Variants in WWOX observed in about 807,000 individuals in gnomAD.
WWOX encodes WW domain containing oxidoreductase.
Under a neutral mutation model 46.2 loss-of-function variants are expected in WWOX, and 69 were observed. The ratio of observed to expected loss-of-function variants is 1.49; its 90% confidence interval spans 1.23 to 1.82. The LOEUF (loss-of-function observed/expected upper bound fraction) is 1.82. Ranked by LOEUF, WWOX falls within the 40% of genes most tolerant of loss-of-function variation. The pLI, the probability that WWOX is intolerant of heterozygous loss-of-function variation, is 0.00. For synonymous variants in WWOX, 359 were observed against 202.6 expected (o/e 1.77, Z -6.56); for missense variants, 919 against 542.6 (o/e 1.69, Z -6.89).
chr16:78,378,090 C>G (rs185698345), intron 5 of WWOX, among the ~76,000 whole-genome samples: 26 of 152,112 alleles, frequency 1.7e-4, no homozygotes, highest in Admixed American at 1.6e-3. Flanking sequence ...AGCCTCTGTT[C>G]TTCAAGAATC....
At chr16:78,689,161 T>C (rs1205870777) in intron 8 of WWOX, among the ~76,000 whole-genome samples, 2 of 152,150 alleles carry the variant, frequency 1.3e-5, no homozygotes, top group African/African-American at 4.8e-5. Flanking sequence ...TCCCACCCTC[T>C]ACTTCCACCC....
At chr16:78,646,921 C>T (rs1292663915) in intron 8 of WWOX, among the ~76,000 whole-genome samples, 8 of 152,016 alleles carry the variant, frequency 5.3e-5, no homozygotes, top group East Asian at 3.9e-4. Context: ...CTAGCTGAAG[C>T]GAGGTGGGTT....
At chr16:79,088,427 C>T (rs954650419) in intron 8 of WWOX, among the ~76,000 whole-genome samples, 4 of 152,134 alleles carry the variant, frequency 2.6e-5, no homozygotes, top group Admixed American at 2.6e-4. Flanking sequence ...GTAGGTCTGG[C>T]CCTGAGCCGT....
intron 8 of WWOX, among the ~76,000 whole-genome samples, chr16:78,818,885 G>T (rs759342250): frequency 4.6e-5 from 7 of 152,208 alleles, no homozygotes; most frequent in African/African-American, 1.7e-4. Context: ...AATGTAAAGT[G>T]GAGGTTAAGT....
chr16:79,013,797 A>T (rs576614929), intron 8 of WWOX, among the ~76,000 whole-genome samples: 1 of 151,988 alleles, frequency 6.6e-6, no homozygotes, highest in African/African-American at 2.4e-5. Flanking sequence ...TTTTAGCCCA[A>T]TTGCCTCCTA....
chr16:78,687,455 A>G (rs1270163842), intron 8 of WWOX, among the ~76,000 whole-genome samples: 2 of 152,178 alleles, frequency 1.3e-5, no homozygotes, highest in Admixed American at 1.3e-4. Context: ...GGTTAAGTGA[A>G]CAATCATTTG....
chr16:79,153,961 C>T (rs74035087), intron 8 of WWOX, among the ~76,000 whole-genome samples: 3,802 of 152,114 alleles, frequency 0.025, 169 homozygotes, highest in African/African-American at 0.088. Flanking sequence ...TCCTGCCTCC[C>T]GTGATGCTAG....
chr16:78,323,343 G>T (rs768437005), intron 5 of WWOX, among the ~76,000 whole-genome samples: 3 of 152,114 alleles, frequency 2.0e-5, no homozygotes, highest in African/African-American at 7.2e-5. Flanking sequence ...CTGACCTCAT[G>T]ATCTGTCAGC....
intron 8 of WWOX, among the ~76,000 whole-genome samples, chr16:79,175,940 C>G (rs2050791759): frequency 6.6e-6 from 1 of 152,160 alleles, no homozygotes; most frequent in South Asian, 2.1e-4. Context: ...GAGTTCCATT[C>G]CTGCCTCCAC....
chr16:78,107,016 C>G (rs368366336), intron 1 of WWOX, among the ~76,000 whole-genome samples: 7 of 152,160 alleles, frequency 4.6e-5, no homozygotes, highest in African/African-American at 4.8e-5. Flanking sequence ...GCCAGCAGTT[C>G]ATGAAAAGAC....
At chr16:78,570,492 T>C (rs2044688517) in intron 8 of WWOX, among the ~76,000 whole-genome samples, 1 of 152,108 alleles carries the variant, frequency 6.6e-6, no homozygotes, top group Non-Finnish European at 1.5e-5. Flanking sequence ...TTAATTTTTC[T>C]TTTATAGAGA....
chr16:78,922,228 C>T (rs949242105), intron 8 of WWOX, among the ~76,000 whole-genome samples: 4 of 152,012 alleles, frequency 2.6e-5, no homozygotes, highest in African/African-American at 9.7e-5. Flanking sequence ...TATTGTTGGT[C>T]CTTTAAGAAT....
intron 8 of WWOX, among the ~76,000 whole-genome samples, chr16:79,136,679 G>A (rs889567524): frequency 6.6e-6 from 1 of 152,164 alleles, no homozygotes; most frequent in Admixed American, 6.5e-5. Flanking sequence ...GTTCCTCACC[G>A]GGTCCTTTCT....
intron 8 of WWOX, among the ~76,000 whole-genome samples, chr16:78,463,630 C>G (rs1303160398): frequency 6.6e-6 from 1 of 152,152 alleles, no homozygotes; most frequent in Non-Finnish European, 1.5e-5. Context: ...GAATCTGGCA[C>G]ATAGTAGGTT....
chr16:78,542,004 T>G (rs959035802), intron 8 of WWOX, among the ~76,000 whole-genome samples: 34 of 88,942 alleles, frequency 3.8e-4, no homozygotes, highest in Non-Finnish European at 7.2e-4. Context: ...AGGGTTTCTT[T>G]CAACAGAGTA....
At chr16:78,547,618 C>T (rs777569553) in intron 8 of WWOX, among the ~76,000 whole-genome samples, 2 of 152,134 alleles carry the variant, frequency 1.3e-5, no homozygotes, top group Non-Finnish European at 2.9e-5. Context: ...ATCTATTTCT[C>T]ATAGTTCTTG....
At chr16:78,563,044 A>G (rs988677293) in intron 8 of WWOX, among the ~76,000 whole-genome samples, 1 of 151,432 alleles carries the variant, frequency 6.6e-6, no homozygotes, top group Non-Finnish European at 1.5e-5. Context: ...GATGCTCTGC[A>G]CTTCAAGCTA....
chr16:79,016,945 C>G (rs1310216223), intron 8 of WWOX: 1 of 152,258 alleles, frequency 6.6e-6, no homozygotes, highest in African/African-American at 2.4e-5. Flanking sequence ...GGTGATCCGA[C>G]CACCTCGACC....
intron 8 of WWOX, among the ~76,000 whole-genome samples, chr16:78,920,912 C>G (rs1301439746): frequency 6.6e-6 from 1 of 152,172 alleles, no homozygotes; most frequent in African/African-American, 2.4e-5. Flanking sequence ...CTGTAATTGA[C>G]TTTCAAACTG....
Sources: gnomAD v4.1 joint callset for allele counts (sites outside exome capture counted in the v4.1 genomes callset) on GRCh38, gnomAD v4.1.1 for gene constraint, MANE v1.5 for transcripts, NCBI Gene and HGNC (gene_info 2026-07-23, HGNC 2026-07-21) for gene names.